Variants in NRF1 observed in about 807,000 individuals in gnomAD.
NRF1 encodes the protein alpha palindromic-binding protein.
In NRF1, 5 loss-of-function variants were observed where a neutral mutation model predicts 58.5. The ratio of observed to expected loss-of-function variants is 0.09; its 90% CI spans 0.04 to 0.18. The LOEUF (loss-of-function observed/expected upper bound fraction) is 0.18. Among genes scored for constraint, NRF1 ranks in the 10% least tolerant of loss-of-function variants. NRF1 has a pLI of 1.00. For missense variants in NRF1, 288 were observed against 657.7 expected (o/e 0.44, Z 6.15); for synonymous variants, 224 against 246.7 (o/e 0.91, Z 0.86).
intron 1 of NRF1, among the ~76,000 whole-genome samples, chr7:129,655,015 A>G (rs1781977517): frequency 6.6e-6 from 1 of 152,192 alleles, no homozygotes; most frequent in Non-Finnish European, 1.5e-5. Flanking sequence ...TTTGATTGGG[A>G]CAATGTTGAA....
chr7:129,658,916 A>G (rs1801721265), intron 2 of NRF1, among the ~76,000 whole-genome samples: 1 of 152,186 alleles, frequency 6.6e-6, no homozygotes, highest in Admixed American at 6.5e-5. Context: ...TTATAATATT[A>G]GTATTAGTAA....
At chr7:129,748,403 T>C (rs767561065) in intron 10 of NRF1, among the ~76,000 whole-genome samples, 57 of 149,960 alleles carry the variant, frequency 3.8e-4, no homozygotes, top group Non-Finnish European at 8.0e-4. Context: ...GTGGCGGCAA[T>C]AAAGTCACAG....
intron 10 of NRF1, among the ~76,000 whole-genome samples, chr7:129,745,619 G>A (rs977834407): frequency 2.0e-5 from 3 of 150,306 alleles, no homozygotes; most frequent in Non-Finnish European, 4.4e-5. Flanking sequence ...TCAGCAGAAC[G>A]CTTTCTCTCC....
chr7:129,719,195 T>C (rs893054150), intron 9 of NRF1, among the ~76,000 whole-genome samples: 3 of 151,724 alleles, frequency 2.0e-5, no homozygotes, highest in Non-Finnish European at 2.9e-5. Context: ...TACAATGGCA[T>C]GTTCTCGGCT....
chr7:129,745,363 T>A (rs1473894549), intron 10 of NRF1, among the ~76,000 whole-genome samples: 1 of 151,790 alleles, frequency 6.6e-6, no homozygotes, highest in Non-Finnish European at 1.5e-5. Flanking sequence ...CGGCAGGAGG[T>A]GGGTGGCAGG....
chr7:129,709,331 G>C, intron 6 of NRF1, 98 bp downstream of exon 6: 1 of 1,066,838 alleles, frequency 9.4e-7, no homozygotes, highest in Non-Finnish European at 1.3e-6. Context: ...GAAAGTCTTT[G>C]TGTAATAGTT....
chr7:129,725,471 G>A (rs1803430392), intron 9 of NRF1, among the ~76,000 whole-genome samples: 1 of 151,984 alleles, frequency 6.6e-6, no homozygotes, highest in Non-Finnish European at 1.5e-5. Flanking sequence ...GGGATTACAG[G>A]CATGCACCAC....
intron 1 of NRF1, among the ~76,000 whole-genome samples, chr7:129,629,079 C>T (rs1422916511): frequency 6.6e-6 from 1 of 152,062 alleles, no homozygotes; most frequent in African/African-American, 2.4e-5. Flanking sequence ...ATCAAATTTC[C>T]ATCATTGGCA....
At chr7:129,690,777 T>C (rs1030518209) in intron 5 of NRF1, among the ~76,000 whole-genome samples, 3 of 151,882 alleles carry the variant, frequency 2.0e-5, no homozygotes, top group Non-Finnish European at 2.9e-5. Context: ...AGTTTTTTTT[T>C]CCCTTTCACT....
intron 10 of NRF1, among the ~76,000 whole-genome samples, chr7:129,747,691 A>G (rs1194526290): frequency 1.3e-5 from 2 of 152,220 alleles, no homozygotes; most frequent in African/African-American, 4.8e-5. Context: ...CAGCAGAACC[A>G]AGATTCACAT....
At chr7:129,696,072 A>C (rs1357866085) in intron 5 of NRF1, among the ~76,000 whole-genome samples, 1 of 141,856 alleles carries the variant, frequency 7.0e-6, no homozygotes, top group Admixed American at 7.2e-5. Context: ...AAAAAAAAAA[A>C]AAAAAAAAAA....
At chr7:129,686,937 T>C (rs555878828) in intron 4 of NRF1, among the ~76,000 whole-genome samples, 1 of 152,346 alleles carries the variant, frequency 6.6e-6, no homozygotes, top group African/African-American at 2.4e-5. Context: ...AGAAAAAACA[T>C]TGATAAATGT....
chr7:129,678,599 G>A (rs1802237370), intron 4 of NRF1, among the ~76,000 whole-genome samples: 2 of 152,044 alleles, frequency 1.3e-5, no homozygotes, highest in South Asian at 4.1e-4. Context: ...AATTCCTGAA[G>A]CCCTACAATT....
chr7:129,623,751 CTT>C (rs968118927), intron 1 of NRF1, among the ~76,000 whole-genome samples: 87 of 151,946 alleles, frequency 5.7e-4, no homozygotes, highest in African/African-American at 1.8e-3. Context: ...ATTTTTTTCT[CTT>C]AAGTATAGTA....
At chr7:129,689,921 G>T (rs2151092434) in intron 4 of NRF1, among the ~76,000 whole-genome samples, 1 of 152,288 alleles carries the variant, frequency 6.6e-6, no homozygotes, top group East Asian at 1.9e-4. Flanking sequence ...TCTCCTGTCT[G>T]TTTGGTAGTC....
At chr7:129,634,041 A>AAAAAAAAATATAT (rs1163693215) in intron 1 of NRF1, among the ~76,000 whole-genome samples, 3 of 113,810 alleles carry the variant, frequency 2.6e-5, no homozygotes, top group African/African-American at 1.1e-4. Flanking sequence ...AAAAAAAAAA[A>AAAAAAAAATATAT]AGATATATAT....
chr7:129,638,013 A>G (rs1801207730), intron 1 of NRF1, among the ~76,000 whole-genome samples: 1 of 151,966 alleles, frequency 6.6e-6, no homozygotes, highest in Non-Finnish European at 1.5e-5. Context: ...ATTTCTCTGT[A>G]CCAAGAGTTA....
intron 1 of NRF1, among the ~76,000 whole-genome samples, chr7:129,613,318 A>G (rs2151051101): frequency 6.6e-6 from 1 of 152,226 alleles, no homozygotes; most frequent in South Asian, 2.1e-4. Context: ...TGTTTGATTC[A>G]TTAGTATCCC....
chr7:129,679,261 A>T (rs895379098), intron 4 of NRF1, among the ~76,000 whole-genome samples: 1 of 152,218 alleles, frequency 6.6e-6, no homozygotes, highest in Admixed American at 6.5e-5. Context: ...CCTCTATTCA[A>T]TGTATGTGTC....
Sources: allele counts gnomAD v4.1 joint callset (sites outside exome capture counted in the v4.1 genomes callset), GRCh38; gene constraint gnomAD v4.1.1; transcripts MANE v1.5; gene names NCBI Gene and HGNC (gene_info 2026-07-23, HGNC 2026-07-21).